PRKN: variants seen among roughly 807,000 people sequenced by gnomAD.
The protein encoded by PRKN is parkin RBR E3 ubiquitin protein ligase.
In PRKN, 56 loss-of-function variants were observed where a neutral mutation model predicts 59.5. That is an observed-to-expected ratio of 0.94 (90% confidence interval 0.76 to 1.18). PRKN has a LOEUF of 1.18. Ranked by LOEUF, PRKN falls within the 50% of genes most tolerant of loss-of-function variation. PRKN has a pLI of 0.00. For missense variants in PRKN, 657 were observed against 596.4 expected (o/e 1.10, Z -1.06); for synonymous variants, 250 against 222.1 (o/e 1.13, Z -1.12).
chr6:162,105,596 C>T (rs1182155192), intron 4 of PRKN, among the ~76,000 whole-genome samples: 6 of 152,078 alleles, frequency 3.9e-5, no homozygotes, highest in African/African-American at 1.4e-4. Context: ...GATGGGGTTT[C>T]ACCACCTTGG....
intron 2 of PRKN, among the ~76,000 whole-genome samples, chr6:162,283,411 T>A (rs1334307737): frequency 6.6e-6 from 1 of 152,204 alleles, no homozygotes; most frequent in Non-Finnish European, 1.5e-5. Flanking sequence ...TTTATGTCTT[T>A]AGAATTCTTT....
At chr6:162,282,603 C>T (rs530793588) in intron 2 of PRKN, among the ~76,000 whole-genome samples, 1 of 152,204 alleles carries the variant, frequency 6.6e-6, no homozygotes, top group Non-Finnish European at 1.5e-5. Context: ...ACAATCTAAA[C>T]AGTCATCAAT....
At chr6:161,536,991 C>G (rs1779438479) in intron 9 of PRKN, among the ~76,000 whole-genome samples, 2 of 152,206 alleles carry the variant, frequency 1.3e-5, no homozygotes, top group Admixed American at 1.3e-4. Flanking sequence ...AAGATCTTAT[C>G]TCTTTAATCC....
At chr6:162,403,229 CCTCA>C (rs1787886740) in intron 2 of PRKN, among the ~76,000 whole-genome samples, 1 of 152,110 alleles carries the variant, frequency 6.6e-6, no homozygotes, top group Non-Finnish European at 1.5e-5. Context: ...CTCCAGCTCT[CCTCA>C]CTCACTCTGG....
intron 1 of PRKN, chr6:162,727,427 T>C: frequency 2.0e-6 from 1 of 501,976 alleles, no homozygotes; most frequent in South Asian, 2.8e-5. Context: ...GCGGTCTTCA[T>C]GAGAACGCTC....
intron 7 of PRKN, among the ~76,000 whole-genome samples, chr6:161,747,591 C>T (rs377297090): frequency 1.2e-3 from 186 of 152,212 alleles, no homozygotes; most frequent in South Asian, 8.5e-3. Flanking sequence ...CACGTGGGCA[C>T]GACAATATTA....
rs746758619 is a variant in PRKN at position 162,407,031 on chromosome 6, C to A, written c.171+36279G>T. Among the ~76,000 whole-genome samples the A allele has an allele frequency of 1.3e-5, 2 of 152,092 alleles. 1 individual carries two copies. The highest frequency in any genetic ancestry group is 2.9e-5 in the Non-Finnish European group (2 of 68,020). On this transcript the variant is annotated intron_variant, in intron 2 of 11. Transcript: ENST00000366898. ...TTTGATAATTTTGTGCGGACAGTTA[C>A]TAGATCATGTGATCTAAACGAGGGT...
intron 9 of PRKN, among the ~76,000 whole-genome samples, chr6:161,472,673 T>C (rs2115199059): frequency 6.6e-6 from 1 of 152,218 alleles, no homozygotes. Context: ...CTAAAAAGCT[T>C]CTGCACAGCA....
intron 7 of PRKN, among the ~76,000 whole-genome samples, chr6:161,727,660 C>A (rs1787500301): frequency 6.6e-6 from 1 of 152,094 alleles, no homozygotes; most frequent in Admixed American, 6.6e-5. Context: ...TCTAAGTCCC[C>A]CTTTAAGCCT....
Position 162,495,284 on chromosome 6 carries a change from A to G in PRKN, c.8-51811T>C, listed in dbSNP as rs555354577. Among the ~76,000 whole-genome samples the G allele has an allele frequency of 5.9e-5, 9 of 152,372 alleles. 1 individual carries two copies. The South Asian group carries it at 1.0e-3, about 18-fold the overall frequency. Reference sequence around the variant, plus strand: ...TCGTGTTCCAAAAAGATCTAAGTATACAAAATTAGAGTTTTTCTCATCAGA... The same window carrying G: ...TCGTGTTCCAAAAAGATCTAAGTATGCAAAATTAGAGTTTTTCTCATCAGA... On this transcript the variant is annotated intron_variant, in intron 1 of 11. Transcript: ENST00000366898.
intron 9 of PRKN, among the ~76,000 whole-genome samples, chr6:161,512,571 C>G (rs367821052): frequency 9.9e-5 from 15 of 152,270 alleles, no homozygotes; most frequent in African/African-American, 3.6e-4. Flanking sequence ...ATTGAACACA[C>G]CTGGCTTGGA....
chr6:161,497,749 C>T lies in PRKN; in HGVS notation c.1083+51105G>A, dbSNP rs1777810008. 6.6e-6 allele frequency among the ~76,000 whole-genome samples: 1 copy of T among 152,080 alleles called. No individual in the cohort carries two copies. The highest frequency in any genetic ancestry group is 1.5e-5 in the Non-Finnish European group (1 of 68,018). On this transcript the variant is annotated intron_variant, in intron 9 of 11. Transcript: ENST00000366898. This position sits in a 1 kb window ranked among gnomAD's most constrained non-coding sequence, Gnocchi z 4.6. Reference sequence around the variant, plus strand: ...ACATCAAATGCAAACAAGATGAGACCAGGATTCTGCCTGGTTCTGTTGCCA... The same window carrying T: ...ACATCAAATGCAAACAAGATGAGACTAGGATTCTGCCTGGTTCTGTTGCCA...
chr6:161,712,818 T>C (rs1786806295), intron 7 of PRKN, among the ~76,000 whole-genome samples: 1 of 150,402 alleles, frequency 6.6e-6, no homozygotes, highest in African/African-American at 2.5e-5. Flanking sequence ...CAAACTGTTT[T>C]TGTCCTTGCA....
chr6:162,197,053 T>A (rs1308127455), intron 4 of PRKN, among the ~76,000 whole-genome samples: 1 of 152,164 alleles, frequency 6.6e-6, no homozygotes, highest in African/African-American at 2.4e-5. Context: ...GAAGTTCACA[T>A]AAACCACATG....
Position 161,456,723 on chromosome 6 carries a change from C to T in PRKN, c.1084-69846G>A, listed in dbSNP as rs537935227. Among the ~76,000 whole-genome samples, 9 of 152,316 alleles carry T rather than the reference C, an allele frequency of 5.9e-5. No homozygotes were observed. In the East Asian group the frequency reaches 9.6e-4, roughly 16 times the overall value. On this transcript the variant is annotated intron_variant, in intron 9 of 11. Transcript: ENST00000366898. The surrounding 1 kb of genome is among the most constrained non-coding windows in gnomAD (Gnocchi z 4.8). ...AAGCTGCTCTTTGGGTTTGCGAATG[C>T]TGACCTGGGTCTGCTTTGTATGGGT... is the stretch of plus-strand genomic sequence containing the variant.
At chr6:161,789,792 T>C (rs1790566593) in intron 6 of PRKN, among the ~76,000 whole-genome samples, 2 of 152,218 alleles carry the variant, frequency 1.3e-5, no homozygotes. Flanking sequence ...AATACAATGC[T>C]GAGCACCTGA....
chr6:161,474,077 G>C lies in PRKN; in HGVS notation c.1083+74777C>G, dbSNP rs112437175. ...TGCTACCAAGAAAAAAATGGGCGTG[G>C]AGCATGATCAGTTTACTCTTTCCAA... On this transcript the variant is annotated intron_variant, in intron 9 of 11. Transcript: ENST00000366898. Among the ~76,000 whole-genome samples the C allele has an allele frequency of 4.1e-4, 63 of 152,284 alleles. 1 individual carries two copies. Among genetic ancestry groups the C allele is most frequent in the African/African-American group, 1.2e-3 (51 of 41,566 alleles).
At chr6:162,636,872 G>A (rs1348316198) in intron 1 of PRKN, among the ~76,000 whole-genome samples, 1 of 151,900 alleles carries the variant, frequency 6.6e-6, no homozygotes, top group Non-Finnish European at 1.5e-5. Context: ...AAGTGGGAGG[G>A]CTGCTTGAGC....
chr6:162,338,799 G>A (rs1170666204), intron 2 of PRKN, among the ~76,000 whole-genome samples: 7 of 151,444 alleles, frequency 4.6e-5, no homozygotes, highest in Non-Finnish European at 1.0e-4. Context: ...TCCCATCTAG[G>A]AAGTGAGGAG....
Sources: gnomAD v4.1 joint callset for allele counts (sites outside exome capture counted in the v4.1 genomes callset) on GRCh38, gnomAD v4.1.1 for gene constraint, Gnocchi (gnomAD v3.1) non-coding constraint, MANE v1.5 for transcripts, NCBI Gene and HGNC (gene_info 2026-07-23, HGNC 2026-07-21) for gene names.